LRRC37A2: variants seen among roughly 807,000 people sequenced by gnomAD.
LRRC37A2 encodes leucine-rich repeat-containing protein 37A2.
A neutral mutation model predicts 68.8 loss-of-function variants in LRRC37A2; 9 were observed. The ratio of observed to expected loss-of-function variants is 0.13; its 90% confidence interval spans 0.08 to 0.23. The LOEUF (loss-of-function observed/expected upper bound fraction) is 0.23. LRRC37A2 is among the 10% of genes least tolerant of loss of function. LRRC37A2 has a pLI of 1.00. For missense variants in LRRC37A2, 168 were observed against 950.4 expected, an observed-to-expected ratio of 0.18 and a Z score of 10.82; for synonymous variants, 63 against 367.6, an observed-to-expected ratio of 0.17 and a Z score of 9.48.
the LRRC37A2 span, among the ~76,000 whole-genome samples, chr17:46,716,340 T>C: frequency 6.6e-6 from 1 of 150,874 alleles, no homozygotes; most frequent in Non-Finnish European, 1.5e-5. Flanking sequence ...CACTGCAAGC[T>C]CCACCTCCCG....
the LRRC37A2 span, chr17:46,872,612 T>C: frequency 1.2e-6 from 2 of 1,613,106 alleles, no homozygotes; most frequent in Non-Finnish European, 1.7e-6. Flanking sequence ...TGTGACCTGC[T>C]GAAGCTGTCC....
At chr17:47,033,713 A>C in the LRRC37A2 span, among the ~76,000 whole-genome samples, 1 of 152,252 alleles carries the variant, frequency 6.6e-6, no homozygotes, top group African/African-American at 2.4e-5. Flanking sequence ...TGTACAGAAG[A>C]ATTTGGAGGG....
the LRRC37A2 span, among the ~76,000 whole-genome samples, chr17:46,834,924 G>A: frequency 2.0e-4 from 31 of 152,278 alleles, no homozygotes; most frequent in African/African-American, 7.2e-4. Context: ...ACCTGTCAGT[G>A]TTCCTCCCCC....
chr17:47,032,820 A>G, the LRRC37A2 span, among the ~76,000 whole-genome samples: 11 of 152,210 alleles, frequency 7.2e-5, no homozygotes, highest in Non-Finnish European at 2.9e-5. Flanking sequence ...TGACAGAGCC[A>G]GAATTCAAAC....
the LRRC37A2 span, among the ~76,000 whole-genome samples, chr17:46,615,435 T>A: frequency 2.0e-4 from 1 of 4,900 alleles, no homozygotes; most frequent in Non-Finnish European, 3.5e-4. Context: ...CATACTTTTT[T>A]AAAAATAATG....
At chr17:46,929,728 A>T in the LRRC37A2 span, 3 of 643,910 alleles carry the variant, frequency 4.7e-6, no homozygotes, top group Non-Finnish European at 2.8e-6. Flanking sequence ...GAAAAACCCT[A>T]TGGCAAAGTC....
the LRRC37A2 span, among the ~76,000 whole-genome samples, chr17:47,003,733 T>G: frequency 1.3e-5 from 2 of 151,872 alleles, no homozygotes; most frequent in Non-Finnish European, 2.9e-5. Context: ...CTTTTTTTTT[T>G]ATTATACTTT....
chr17:46,879,320 G>A, the LRRC37A2 span, among the ~76,000 whole-genome samples: 1 of 152,144 alleles, frequency 6.6e-6, no homozygotes, highest in South Asian at 2.1e-4. Flanking sequence ...GACTGGGTCT[G>A]TCTCGGAGCT....
the LRRC37A2 span, among the ~76,000 whole-genome samples, chr17:46,648,085 GAGGAAA>G: frequency 8.7e-5 from 1 of 11,528 alleles, no homozygotes; most frequent in Admixed American, 9.2e-4. Flanking sequence ...TTTATTAGCA[GAGGAAA>G]AGACAGCAGT....
At chr17:46,901,876 G>A in the LRRC37A2 span, among the ~76,000 whole-genome samples, 2 of 145,572 alleles carry the variant, frequency 1.4e-5, no homozygotes, top group Non-Finnish European at 3.0e-5. Flanking sequence ...GCGCAATCTC[G>A]GCTCACTGCA....
chr17:46,889,419 T>A, the LRRC37A2 span, among the ~76,000 whole-genome samples: 1 of 152,206 alleles, frequency 6.6e-6, no homozygotes, highest in Non-Finnish European at 1.5e-5. Context: ...AAGTCCCCTC[T>A]GTCCTTTCTT....
chr17:46,498,803 C>T, the LRRC37A2 span, among the ~76,000 whole-genome samples: 3 of 149,484 alleles, frequency 2.0e-5, no homozygotes, highest in Non-Finnish European at 4.4e-5. Context: ...TGTTTCTCCT[C>T]TTAAGCTCTT....
At chr17:46,978,617 C>T in the LRRC37A2 span, 8 of 1,556,338 alleles carry the variant, frequency 5.1e-6, no homozygotes, top group Non-Finnish European at 6.9e-6. Context: ...CTTGCAGCAG[C>T]GCTGGCGAGG....
At chr17:46,911,255 C>T in the LRRC37A2 span, among the ~76,000 whole-genome samples, 1 of 152,216 alleles carries the variant, frequency 6.6e-6, no homozygotes, top group Non-Finnish European at 1.5e-5. Context: ...GAATCAGACT[C>T]AGGCTTTGTG....
At chr17:46,900,168 CATATATATATAT>C in the LRRC37A2 span, among the ~76,000 whole-genome samples, 32 of 64,060 alleles carry the variant, frequency 5.0e-4, no homozygotes, top group Admixed American at 6.0e-4. Flanking sequence ...TATACATATA[CATATATATATAT>C]ATATATATAT....
the LRRC37A2 span, among the ~76,000 whole-genome samples, chr17:46,887,228 T>A: frequency 6.6e-6 from 1 of 152,268 alleles, no homozygotes; most frequent in East Asian, 1.9e-4. Context: ...TGATAATTAA[T>A]GAGGGATACT....
chr17:46,715,324 G>C, the LRRC37A2 span, among the ~76,000 whole-genome samples: 1 of 152,166 alleles, frequency 6.6e-6, no homozygotes, highest in African/African-American at 2.4e-5. Flanking sequence ...CCCTAGAGTA[G>C]GTAGGGCTGT....
the LRRC37A2 span, among the ~76,000 whole-genome samples, chr17:46,797,656 A>C: frequency 1.5e-4 from 23 of 152,244 alleles, no homozygotes; most frequent in African/African-American, 5.5e-4. Flanking sequence ...AGGTACCTCC[A>C]TGAACACCTT....
the LRRC37A2 span, chr17:47,005,538 G>T: frequency 6.6e-6 from 1 of 152,130 alleles, no homozygotes; most frequent in South Asian, 2.1e-4. Context: ...TCGGATTCCT[G>T]TCTCCTGATT....
Sources: allele counts gnomAD v4.1 joint callset (sites outside exome capture counted in the v4.1 genomes callset), GRCh38; gene constraint gnomAD v4.1.1; transcripts MANE v1.5; gene names NCBI Gene and HGNC (gene_info 2026-07-23, HGNC 2026-07-21).